ANKS1B: variants seen among roughly 807,000 people sequenced by gnomAD.
ANKS1B encodes the protein ankyrin repeat and sterile alpha motif domain containing 1B.
Under a neutral mutation model 148.3 loss-of-function variants are expected in ANKS1B, and 36 were observed. That is an observed-to-expected ratio of 0.24 (90% confidence interval 0.19 to 0.32). ANKS1B has a LOEUF of 0.32. Among genes scored for constraint, ANKS1B ranks in the 10% least tolerant of loss-of-function variants. The probability of loss-of-function intolerance (pLI) is 1.00; values close to 1 mark genes in which losing one functional copy is unlikely to be tolerated. For missense variants in ANKS1B, 1,157 were observed against 1,542.6 expected, an observed-to-expected ratio of 0.75 and a Z score of 4.19; for synonymous variants, 542 against 560.8, an observed-to-expected ratio of 0.97 and a Z score of 0.47.
In ANKS1B at chr12:99,867,826, G is replaced by C. The variant is rs542735463; in HGVS notation, c.135-42437C>G. 4.6e-5 allele frequency among the ~76,000 whole-genome samples: 7 copies of C among 152,244 alleles called. No individual in the cohort carries two copies. The South Asian group carries it at 1.4e-3, about 32-fold the overall frequency. On this transcript the variant is annotated intron_variant, in intron 1 of 26. Coordinates refer to ENST00000683438, the MANE Select transcript of ANKS1B (RefSeq NM_001352186.2). ...TGTTGTTGTTGTTGTTTGAAGCCAG[G>C]ATAGTATTAATATCGCAGCCTCACA...
chr12:99,003,776 C>T (rs567553612), intron 17 of ANKS1B, among the ~76,000 whole-genome samples: 4 of 152,230 alleles, frequency 2.6e-5, no homozygotes, highest in South Asian at 2.1e-4. Flanking sequence ...CATCCTGCTG[C>T]GACCACTGAC....
intron 26 of ANKS1B, among the ~76,000 whole-genome samples, chr12:98,747,870 T>C (rs894296748): frequency 6.6e-6 from 1 of 152,216 alleles, no homozygotes. Context: ...ACAAATATTG[T>C]ATGTTCTCAT....
At chr12:99,478,004 CATA>C (rs1377873228) in intron 10 of ANKS1B, among the ~76,000 whole-genome samples, 2 of 152,116 alleles carry the variant, frequency 1.3e-5, no homozygotes, top group East Asian at 3.8e-4. Context: ...AATCACAATA[CATA>C]ATGTTTTTAA....
chr12:99,789,514 G>C (rs999162137), intron 4 of ANKS1B, among the ~76,000 whole-genome samples: 2 of 152,126 alleles, frequency 1.3e-5, no homozygotes, highest in Non-Finnish European at 2.9e-5. Flanking sequence ...TTCAGACAGA[G>C]AATTCAAAAT....
rs995050745 is a variant in ANKS1B, at chr12:99,442,909, C to G, written c.1575+764G>C. 1.3e-5 allele frequency among the ~76,000 whole-genome samples: 2 copies of G among 151,870 alleles called. 1 individual carries two copies. Among genetic ancestry groups the G allele is most frequent in the African/African-American group, 4.8e-5 (2 of 41,378 alleles). Reference sequence around the variant, plus strand: ...CTCCTGTCTTGGATTTTATGAGGCCCATTCAGAACGAGCCAGGTTGAGAAC... The same window carrying G: ...CTCCTGTCTTGGATTTTATGAGGCCGATTCAGAACGAGCCAGGTTGAGAAC... On this transcript the variant is annotated intron_variant, in intron 11 of 26. Transcript: ENST00000683438.
intron 15 of ANKS1B, among the ~76,000 whole-genome samples, chr12:99,115,965 A>G (rs2061321919): frequency 1.3e-5 from 2 of 151,684 alleles, no homozygotes; most frequent in African/African-American, 2.4e-5. Flanking sequence ...GATGCTCTTA[A>G]GCTGGATTGC....
intron 15 of ANKS1B, among the ~76,000 whole-genome samples, chr12:99,087,523 A>T (rs2153635200): frequency 6.6e-6 from 1 of 152,374 alleles, no homozygotes; most frequent in South Asian, 2.1e-4. Flanking sequence ...CTCAGTGCAC[A>T]CAACAGAGCA....
intron 12 of ANKS1B, among the ~76,000 whole-genome samples, chr12:99,352,405 G>A (rs1222363735): frequency 1.3e-5 from 2 of 151,932 alleles, no homozygotes; most frequent in East Asian, 3.9e-4. Flanking sequence ...ATGAGGATCT[G>A]GGAGGGGGGA....
intron 17 of ANKS1B, chr12:98,954,252 T>A (rs929681109): frequency 6.6e-6 from 1 of 152,246 alleles, no homozygotes; most frequent in Non-Finnish European, 1.5e-5. Flanking sequence ...CTGTTTTATT[T>A]TTCTTTAGTA....
At chr12:99,158,709 T>TA in intron 14 of ANKS1B, among the ~76,000 whole-genome samples, 1 of 41,298 alleles carries the variant, frequency 2.4e-5, no homozygotes, top group Non-Finnish European at 3.6e-5. Context: ...TAAAACTTGG[T>TA]AAAAACAGAT....
At chr12:98,932,268 T>A (rs1423970345) in intron 17 of ANKS1B, among the ~76,000 whole-genome samples, 1 of 152,214 alleles carries the variant, frequency 6.6e-6, no homozygotes, top group African/African-American at 2.4e-5. Context: ...ACAAGCTTTC[T>A]TTAGTCATAG....
At chr12:99,560,308 G>A (rs1190864296) in intron 9 of ANKS1B, among the ~76,000 whole-genome samples, 5 of 151,288 alleles carry the variant, frequency 3.3e-5, no homozygotes, top group Non-Finnish European at 5.9e-5. Context: ...AATACCACAC[G>A]TTACCTCAAT....
At chr12:99,198,134 G>A (rs1311552964) in intron 14 of ANKS1B, among the ~76,000 whole-genome samples, 3 of 152,130 alleles carry the variant, frequency 2.0e-5, no homozygotes, top group Middle Eastern at 3.4e-3. Context: ...TGACTCCTAG[G>A]AATACTTTTT....
chr12:99,851,608 T>C (rs1337911793), intron 1 of ANKS1B, among the ~76,000 whole-genome samples: 1 of 151,926 alleles, frequency 6.6e-6, no homozygotes, highest in East Asian at 1.9e-4. Context: ...CTGGAAGGAG[T>C]GAAATTTTTT....
At chr12:99,353,000 T>C (rs886227456) in intron 12 of ANKS1B, among the ~76,000 whole-genome samples, 3 of 152,056 alleles carry the variant, frequency 2.0e-5, no homozygotes, top group African/African-American at 7.2e-5. Context: ...GTAATTAGAC[T>C]CTTCACCCCT....
chr12:99,059,427 C>T (rs1237705286), intron 16 of ANKS1B, among the ~76,000 whole-genome samples: 2 of 152,140 alleles, frequency 1.3e-5, no homozygotes, highest in Admixed American at 6.5e-5. Flanking sequence ...GTATTTTGTA[C>T]TCCATGTTAT....
intron 12 of ANKS1B, among the ~76,000 whole-genome samples, chr12:99,268,178 T>C (rs1217008933): frequency 2.0e-5 from 3 of 152,214 alleles, no homozygotes; most frequent in Non-Finnish European, 4.4e-5. Context: ...ATCTATATCA[T>C]TCTTTCATTT....
intron 14 of ANKS1B, among the ~76,000 whole-genome samples, chr12:99,157,134 T>C (rs997134887): frequency 6.6e-6 from 1 of 152,188 alleles, no homozygotes; most frequent in Non-Finnish European, 1.5e-5. Flanking sequence ...GAGTTTGTAG[T>C]AGTTTATGAA....
At chr12:98,748,183 G>GT (rs2097948258) in intron 26 of ANKS1B, among the ~76,000 whole-genome samples, 1 of 152,130 alleles carries the variant, frequency 6.6e-6, no homozygotes, top group African/African-American at 2.4e-5. Context: ...GTATACATGT[G>GT]TCAAAATATC....
Sources: allele counts gnomAD v4.1 joint callset (sites outside exome capture counted in the v4.1 genomes callset), GRCh38; gene constraint gnomAD v4.1.1; transcripts MANE v1.5; gene names NCBI Gene and HGNC (gene_info 2026-07-23, HGNC 2026-07-21).